The following IPO11 variants were observed in gnomAD, a reference collection of about 807,000 sequenced individuals.
IPO11 encodes the protein importin 11, also known as importin-11.
Under a neutral mutation model 143.2 loss-of-function variants are expected in IPO11, and 66 were observed. That is an observed-to-expected ratio of 0.46 (90% CI 0.38 to 0.57). The LOEUF is 0.57. IPO11 is among the 20% of genes least tolerant of loss of function. The probability of loss-of-function intolerance (pLI) is 0.00; values close to 1 mark genes in which losing one functional copy is unlikely to be tolerated. For missense variants in IPO11, 1,026 were observed against 1,141.0 expected (o/e 0.90, Z 1.45); for synonymous variants, 385 against 377.8 (o/e 1.02, Z -0.22).
intron 19 of IPO11, among the ~76,000 whole-genome samples, chr5:62,512,081 C>T (rs1166640990): frequency 1.3e-5 from 2 of 152,220 alleles, no homozygotes; most frequent in African/African-American, 4.8e-5. Context: ...GGTGGCTCTA[C>T]TCAAGAAGCA....
chr5:62,572,379 T>C (rs1318803562), intron 27 of IPO11, among the ~76,000 whole-genome samples: 2 of 152,176 alleles, frequency 1.3e-5, no homozygotes, highest in East Asian at 1.9e-4. Context: ...GACTCTCCAC[T>C]GCATTATAGA....
chr5:62,598,027 C>T (rs1400943882), intron 28 of IPO11, among the ~76,000 whole-genome samples: 1 of 152,196 alleles, frequency 6.6e-6, no homozygotes, highest in East Asian at 1.9e-4. Flanking sequence ...GACAATGCCA[C>T]TGACAGATAA....
intron 27 of IPO11, among the ~76,000 whole-genome samples, chr5:62,564,135 T>C (rs931176210): frequency 6.6e-6 from 1 of 152,080 alleles, no homozygotes; most frequent in Non-Finnish European, 1.5e-5. Context: ...ATATCCTTAA[T>C]AGACTAGTGA....
At chr5:62,473,714 G>T (rs962522985) in intron 7 of IPO11, among the ~76,000 whole-genome samples, 1 of 151,986 alleles carries the variant, frequency 6.6e-6, no homozygotes, top group Non-Finnish European at 1.5e-5. Flanking sequence ...TTGATACAAA[G>T]ATGTCTTCTA....
At chr5:62,465,255 A>T (rs1200491297) in intron 5 of IPO11, among the ~76,000 whole-genome samples, 1 of 152,188 alleles carries the variant, frequency 6.6e-6, no homozygotes, top group Non-Finnish European at 1.5e-5. Context: ...GGGAAAGCTT[A>T]GGGTGTTGTA....
chr5:62,480,841 T>A (rs1746170119), intron 9 of IPO11, among the ~76,000 whole-genome samples: 1 of 151,844 alleles, frequency 6.6e-6, no homozygotes, highest in Non-Finnish European at 1.5e-5. Context: ...TGGGCTGAGA[T>A]GATGGGGTTT....
In IPO11 at chr5:62,470,816, C is replaced by CTTTTT. The variant is rs70981015; in HGVS notation, c.708+533_708+537dup. ...TTCATTGTCTGTAGATAGCCATCTT[C>CTTTTT]TTTTTTTTTTTTTTTTTTTTTTTTT... On this transcript the variant is annotated intron_variant, in intron 7 of 29. Coordinates refer to ENST00000325324, the MANE Select transcript of IPO11 (RefSeq NM_016338.5). 5.9e-3 allele frequency among the ~76,000 whole-genome samples: 367 copies of CTTTTT among 62,570 alleles called. 77 individuals are homozygous for CTTTTT. Among genetic ancestry groups the CTTTTT allele is most frequent in the East Asian group, 0.029 (41 of 1,416 alleles). The allele number at this position is 62,570 out of a possible 152,430, so 41.0% of individuals were successfully genotyped here.
chr5:62,591,849 CTTAT>C (rs1228584427), intron 28 of IPO11, among the ~76,000 whole-genome samples, 177 bp downstream of exon 28: 4 of 151,948 alleles, frequency 2.6e-5, no homozygotes, highest in South Asian at 2.1e-4. Flanking sequence ...TTGGTATCAC[CTTAT>C]TTATTTATTT....
rs944071965 is a variant in IPO11 at position 62,612,983 on chromosome 5, T to C, written c.2763+11135T>C. ...ATGTGTTTTTGAAATAGTGATAGAT[T>C]ATACCAAATTGCCAATTTATGTGCT... On this transcript the variant is annotated intron_variant, in intron 29 of 29. Coordinates refer to ENST00000325324, the MANE Select transcript of IPO11 (RefSeq NM_016338.5). Among the ~76,000 whole-genome samples, 47 of 152,354 alleles carry C rather than the reference T, an allele frequency of 3.1e-4. 1 individual carries two copies. The highest frequency in any genetic ancestry group is 8.8e-5 in the Non-Finnish European group (6 of 68,030).
At chr5:62,563,188 T>G (rs959544849) in intron 27 of IPO11, among the ~76,000 whole-genome samples, 1 of 152,238 alleles carries the variant, frequency 6.6e-6, no homozygotes, top group Non-Finnish European at 1.5e-5. Context: ...TGGTGTTTCT[T>G]TCTCTCATTG....
intron 16 of IPO11, among the ~76,000 whole-genome samples, chr5:62,497,727 C>T (rs1741205130): frequency 6.6e-6 from 1 of 152,216 alleles, no homozygotes; most frequent in Admixed American, 6.5e-5. Flanking sequence ...CTTGGCCTCC[C>T]AAAGTGTTAG....
chr5:62,523,687 A>G (rs545461979), intron 20 of IPO11, among the ~76,000 whole-genome samples: 2 of 152,326 alleles, frequency 1.3e-5, no homozygotes, highest in Admixed American at 1.3e-4. Context: ...GAGTTAGGAA[A>G]TACAGGAAGA....
At chr5:62,624,980 CAAA>C (rs141431600) in intron 29 of IPO11, among the ~76,000 whole-genome samples, 5 of 89,692 alleles carry the variant, frequency 5.6e-5, no homozygotes, top group Non-Finnish European at 6.6e-5. Context: ...GCGAGAGACT[CAAA>C]AAAAAAAAAA....
In IPO11 at chr5:62,598,480, C is replaced by T. The variant is rs371843842; in HGVS notation, c.2679-3284C>T. Among the ~76,000 whole-genome samples the T allele has an allele frequency of 6.4e-3, 21 of 3,302 alleles. 1 individual carries two copies. Among genetic ancestry groups the T allele is most frequent in the Admixed American group, 0.018 (3 of 170 alleles). 2.2% of individuals were successfully genotyped at this position (3,302 alleles called of 152,430 possible). Reference sequence around the variant, plus strand: ...TCTCTCTCTCTCTCTCTCTCTCTCTCTCTCTCTCTCTCTCTTTCTTTCTTT... The same window carrying T: ...TCTCTCTCTCTCTCTCTCTCTCTCTTTCTCTCTCTCTCTCTTTCTTTCTTT... On this transcript the variant is annotated intron_variant, in intron 28 of 29. Coordinates refer to ENST00000325324, the MANE Select transcript of IPO11 (RefSeq NM_016338.5).
At position 62,431,205 on chromosome 5, in the gene IPO11, C is replaced by T. The variant is rs944220044; in HGVS notation, c.-6-6069C>T. ...TGTTGGCCAGGCTGGTCTTGAACTC[C>T]TGGCCCCAGGTGATCCGCCCACCTC... is the stretch of plus-strand genomic sequence containing the variant. On this transcript the variant is annotated intron_variant, in intron 1 of 29. Transcript: ENST00000325324. Among the ~76,000 whole-genome samples the T allele has an allele frequency of 2.7e-4, 41 of 152,108 alleles. 1 individual carries two copies. The highest frequency in any genetic ancestry group is 1.5e-5 in the Non-Finnish European group (1 of 68,012).
chr5:62,484,302 T>C lies in IPO11; in HGVS notation c.1174+140T>C, dbSNP rs115554380. 3.2e-4 allele frequency: 200 copies of C among 632,848 alleles called. No individual in the cohort carries two copies. In the African/African-American group the frequency reaches 3.6e-3, roughly 11 times the overall value. The allele number at this position is 632,848 out of a possible 1,614,324, so 39.2% of individuals were successfully genotyped here. On this transcript the variant is annotated intron_variant, in intron 11 of 29. Transcript: ENST00000325324. ...GGTGTTTTAAAATTAACTTACTCTT[T>C]CGTTGTTATCCATTAGAACAAATTG...
chr5:62,594,595 G>T (rs1023052062), intron 28 of IPO11, among the ~76,000 whole-genome samples: 1 of 152,186 alleles, frequency 6.6e-6, no homozygotes, highest in African/African-American at 2.4e-5. Flanking sequence ...GCAGAAACAG[G>T]CTCGCTGATA....
intron 1 of IPO11, among the ~76,000 whole-genome samples, chr5:62,424,600 T>A (rs936162414): frequency 1.2e-4 from 18 of 151,068 alleles, no homozygotes; most frequent in South Asian, 2.1e-4. Context: ...TTTTTTTTTT[T>A]AATTTTTATT....
At chr5:62,481,140 G>A (rs190107234) in intron 9 of IPO11, among the ~76,000 whole-genome samples, 3 of 151,918 alleles carry the variant, frequency 2.0e-5, no homozygotes, top group Non-Finnish European at 1.5e-5. Context: ...GGATGGTCTC[G>A]ATCTCCTGAT....
Sources: gnomAD v4.1 joint callset for allele counts (sites outside exome capture counted in the v4.1 genomes callset) on GRCh38, gnomAD v4.1.1 for gene constraint, MANE v1.5 for transcripts, NCBI Gene and HGNC (gene_info 2026-07-23, HGNC 2026-07-21) for gene names.